Variants in RGPD3 observed in about 807,000 individuals in gnomAD.
RGPD3 encodes the protein RANBP2 like and GRIP domain containing 3.
In RGPD3, 62 loss-of-function variants were observed where a neutral mutation model predicts 154.5. The ratio of observed to expected loss-of-function variants is 0.40; its 90% CI spans 0.33 to 0.50. RGPD3 has a LOEUF of 0.50. Among genes scored for constraint, RGPD3 ranks in the 20% least tolerant of loss-of-function variants. The pLI is 0.59. For synonymous variants in RGPD3, 308 were observed against 607.0 expected, an observed-to-expected ratio of 0.51 and a Z score of 7.24; for missense variants, 919 against 1,716.8, an observed-to-expected ratio of 0.54 and a Z score of 8.21.
chr2:106,448,381 A>G (rs1297736381), intron 6 of RGPD3, among the ~76,000 whole-genome samples: 2 of 152,106 alleles, frequency 1.3e-5, no homozygotes, highest in Non-Finnish European at 2.9e-5. Flanking sequence ...ATGTGCCGGG[A>G]TTACAGGCAT....
At chr2:106,462,019 G>T (rs1192816856) in intron 1 of RGPD3, among the ~76,000 whole-genome samples, 1 of 151,886 alleles carries the variant, frequency 6.6e-6, no homozygotes, top group Non-Finnish European at 1.5e-5. Context: ...TACAAGCTGG[G>T]ACTACAGGCG....
At chr2:106,438,280 T>A (rs1320180386) in intron 9 of RGPD3, among the ~76,000 whole-genome samples, 2 of 150,616 alleles carry the variant, frequency 1.3e-5, no homozygotes, top group Non-Finnish European at 3.0e-5. Context: ...AGCCTAGGAG[T>A]TGGAGACTAG....
chr2:106,410,353 C>A (rs553011623), intron 22 of RGPD3, among the ~76,000 whole-genome samples: 1 of 152,188 alleles, frequency 6.6e-6, no homozygotes, highest in Non-Finnish European at 1.5e-5. Flanking sequence ...ACAGGACTTA[C>A]CAAATGCACA....
At chr2:106,465,035 GGAGACTAA>G (rs1180267343) in intron 1 of RGPD3, among the ~76,000 whole-genome samples, 1 of 151,474 alleles carries the variant, frequency 6.6e-6, no homozygotes, top group Non-Finnish European at 1.5e-5. Flanking sequence ...CAAAACAAGA[GGAGACTAA>G]CAAATGAAAG....
In RGPD3 at chr2:106,434,653, T is replaced by C; in HGVS notation, c.2042A>G (p.Tyr681Cys). 1 of 346,636 alleles carries C rather than the reference T, an allele frequency of 2.9e-6. No individual in the cohort carries two copies. The highest frequency in any genetic ancestry group is 4.8e-6 in the Non-Finnish European group (1 of 207,266). 21.5% of individuals were successfully genotyped at this position (346,636 alleles called of 1,614,324 possible). The stretch of plus-strand genomic sequence containing the variant: ...TCTACTTACCAGTGCAAGATTCCAA[T>C]AAGAAACAACACTTTTTATAGATTC... Reference protein sequence around the residue: ...AFESIKSVVSYWNLALIFHRK... With the variant: ...AFESIKSVVSCWNLALIFHRK... Residue 681 changes from tyrosine (Y) to cysteine (C), a missense_variant, in exon 14 of 23, where the codon TAT becomes TGT. Transcript: ENST00000409886.
chr2:106,412,467 G>A (rs868867894), intron 22 of RGPD3, among the ~76,000 whole-genome samples: 1,573 of 151,480 alleles, frequency 0.01, 11 homozygotes, highest in African/African-American at 0.035. Context: ...ATGCCACCAC[G>A]TCCAGCTAAT....
chr2:106,414,388 C>A (rs1003883692), intron 21 of RGPD3, among the ~76,000 whole-genome samples: 2 of 152,088 alleles, frequency 1.3e-5, no homozygotes, highest in Admixed American at 6.5e-5. Flanking sequence ...CTTTGGGAGG[C>A]TGAGGCAGGC....
chr2:106,446,824 G>A lies in RGPD3; in HGVS notation c.978+594C>T, dbSNP rs1349327737. Among the ~76,000 whole-genome samples the A allele has an allele frequency of 7.2e-5, 11 of 152,118 alleles. No individual in the cohort carries two copies. The East Asian group carries it at 2.1e-3, about 29-fold the overall frequency. ...TTGAACCCAGGAGGTGGAGGCTGCA[G>A]TGAGCCGAGATCACGCCACTGCACT... On this transcript the variant is annotated intron_variant, in intron 7 of 22. Transcript: ENST00000409886.
chr2:106,409,612 T>C (rs1558831476), intron 22 of RGPD3, among the ~76,000 whole-genome samples: 3 of 152,100 alleles, frequency 2.0e-5, no homozygotes, highest in African/African-American at 4.8e-5. Context: ...TTTACTCTTA[T>C]GTGACTAGAA....
At chr2:106,430,303 C>T (rs1232090552) in intron 17 of RGPD3, among the ~76,000 whole-genome samples, 9 of 150,152 alleles carry the variant, frequency 6.0e-5, no homozygotes, top group African/African-American at 1.2e-4. Flanking sequence ...TAATACAAAA[C>T]TTAATTCATT....
At chr2:106,450,485 C>T (rs1354466836) in intron 6 of RGPD3, among the ~76,000 whole-genome samples, 2 of 150,646 alleles carry the variant, frequency 1.3e-5, no homozygotes, top group Admixed American at 6.6e-5. Context: ...TCCAGATTCT[C>T]CCGAGTGACT....
intron 11 of RGPD3, 62 bp from the exon 12 acceptor site, chr2:106,436,308 A>G (rs998601698): frequency 9.9e-6 from 16 of 1,610,942 alleles, no homozygotes; most frequent in African/African-American, 1.3e-5. Flanking sequence ...GCTTACATAC[A>G]TATATGTTAA....
rs944752612 is a variant in RGPD3 at position 106,424,741 on chromosome 2, G to C, written c.3226C>G (p.Gln1076Glu). 1 of 1,611,896 alleles carries C rather than the reference G, an allele frequency of 6.2e-7. No homozygotes were observed. Among genetic ancestry groups the C allele is most frequent in the South Asian group, 1.1e-5 (1 of 90,974 alleles). Residue 1076 changes from glutamine to glutamate, a missense_variant, in exon 20 of 23, where the codon CAG becomes GAG. Transcript: ENST00000409886. ...KLFRFDAEVS[Q>E]WKERGLGNLK... ...TTCCCCAAGCCCCTTTCTTTCCACTGACTTACCTCAGCATCAAATCTAAAT... is the reference window on the plus strand; with the variant it reads ...TTCCCCAAGCCCCTTTCTTTCCACTCACTTACCTCAGCATCAAATCTAAAT...
intron 18 of RGPD3, 45 bp from the exon 19 acceptor site, chr2:106,426,133 A>G: frequency 6.3e-7 from 1 of 1,587,860 alleles, no homozygotes; most frequent in Non-Finnish European, 8.5e-7. Context: ...TAAAGTCTAT[A>G]CTACAGTTAA....
At chr2:106,437,375 G>A (rs996244119) in intron 9 of RGPD3, among the ~76,000 whole-genome samples, 1 of 142,192 alleles carries the variant, frequency 7.0e-6, no homozygotes, top group South Asian at 2.4e-4. Context: ...AGCCGAGCAC[G>A]GTGTCACGTG....
intron 18 of RGPD3, among the ~76,000 whole-genome samples, chr2:106,429,387 A>C (rs1296291303): frequency 1.7e-4 from 26 of 151,172 alleles, no homozygotes; most frequent in African/African-American, 5.2e-4. Context: ...GGAATAATCT[A>C]ATCTCAGCTC....
At chr2:106,438,177 C>T (rs1172483501) in intron 9 of RGPD3, among the ~76,000 whole-genome samples, 1 of 152,016 alleles carries the variant, frequency 6.6e-6, no homozygotes, top group Non-Finnish European at 1.5e-5. Flanking sequence ...ATCTGCCCGC[C>T]TCGGCCTCCC....
intron 6 of RGPD3, among the ~76,000 whole-genome samples, chr2:106,449,235 C>T (rs1451241974): frequency 6.7e-6 from 1 of 149,826 alleles, no homozygotes. Context: ...GAGGCTGAGG[C>T]GGGTGGATCA....
At chr2:106,406,756 C>G (rs1676527379) in intron 22 of RGPD3, among the ~76,000 whole-genome samples, 1 of 152,076 alleles carries the variant, frequency 6.6e-6, no homozygotes, top group African/African-American at 2.4e-5. Flanking sequence ...GTTTTCATTC[C>G]TCTTGGATAA....
Sources: allele counts gnomAD v4.1 joint callset (sites outside exome capture counted in the v4.1 genomes callset), GRCh38; gene constraint gnomAD v4.1.1; transcripts MANE v1.5; gene names NCBI Gene and HGNC (gene_info 2026-07-23, HGNC 2026-07-21).